DENND1A: variants seen among roughly 807,000 people sequenced by gnomAD.
DENND1A encodes the protein DENN domain containing 1A.
DENND1A carries 51 observed loss-of-function variants against 113.7 expected under a neutral mutation model. The ratio of observed to expected loss-of-function variants is 0.45; its 90% CI spans 0.36 to 0.57. DENND1A has a LOEUF of 0.57. DENND1A is among the 20% of genes least tolerant of loss of function. DENND1A has a pLI of 0.00. For missense variants in DENND1A, 1,258 were observed against 1,395.9 expected (o/e 0.90, Z 1.57); for synonymous variants, 565 against 570.8 (o/e 0.99, Z 0.14).
chr9:123,803,471 C>G (rs536323874), intron 2 of DENND1A, among the ~76,000 whole-genome samples: 6 of 152,234 alleles, frequency 3.9e-5, no homozygotes, highest in African/African-American at 1.4e-4. Context: ...TGGCCACTTC[C>G]CTGAGAAAAC....
chr9:123,806,817 T>C (rs995239574), intron 2 of DENND1A, among the ~76,000 whole-genome samples: 1 of 152,180 alleles, frequency 6.6e-6, no homozygotes, highest in African/African-American at 2.4e-5. Context: ...AAAGAAGGAA[T>C]GAAGGAATAA....
At chr9:123,573,030 T>C (rs72757119) in intron 12 of DENND1A, among the ~76,000 whole-genome samples, 1 of 152,152 alleles carries the variant, frequency 6.6e-6, no homozygotes, top group South Asian at 2.1e-4. Context: ...CCAGCACGTT[T>C]GTTGGAATAA....
chr9:123,531,455 G>T (rs914315703), intron 13 of DENND1A, among the ~76,000 whole-genome samples: 1 of 151,382 alleles, frequency 6.6e-6, no homozygotes, highest in Non-Finnish European at 1.5e-5. Flanking sequence ...AAAGTTGCAA[G>T]AATAATAGAA....
intron 2 of DENND1A, among the ~76,000 whole-genome samples, chr9:123,873,689 T>C (rs989108233): frequency 7.2e-5 from 11 of 152,134 alleles, no homozygotes; most frequent in Admixed American, 1.3e-4. Flanking sequence ...AATCATCCAA[T>C]AGAAAACTAA....
At chr9:123,872,039 T>C (rs1343843696) in intron 2 of DENND1A, among the ~76,000 whole-genome samples, 2 of 152,218 alleles carry the variant, frequency 1.3e-5, no homozygotes, top group Admixed American at 6.5e-5. Flanking sequence ...CCGAGACCTT[T>C]GGTCGCACAG....
At chr9:123,480,440 C>T (rs908641211) in intron 13 of DENND1A, among the ~76,000 whole-genome samples, 1 of 152,340 alleles carries the variant, frequency 6.6e-6, no homozygotes, top group Middle Eastern at 3.4e-3. Context: ...TTGCTACAGG[C>T]CTGGAGCTTC....
intron 19 of DENND1A, among the ~76,000 whole-genome samples, chr9:123,425,061 G>A (rs911552331): frequency 2.6e-5 from 4 of 152,182 alleles, no homozygotes; most frequent in African/African-American, 7.2e-5. Context: ...ACCATGGGGC[G>A]GGGACTCCCT....
At chr9:123,675,386 G>A (rs773364119) in intron 6 of DENND1A, among the ~76,000 whole-genome samples, 5 of 152,102 alleles carry the variant, frequency 3.3e-5, no homozygotes, top group African/African-American at 4.8e-5. Flanking sequence ...GCAAGACTTC[G>A]TAGAGCTTAC....
chr9:123,790,974 T>C (rs1832910935), intron 3 of DENND1A, among the ~76,000 whole-genome samples: 3 of 152,200 alleles, frequency 2.0e-5, no homozygotes, highest in Non-Finnish European at 2.9e-5. Context: ...GCTTTATCTA[T>C]AGTTTCTACA....
At chr9:123,714,720 T>C (rs1177813301) in intron 5 of DENND1A, among the ~76,000 whole-genome samples, 1 of 152,158 alleles carries the variant, frequency 6.6e-6, no homozygotes, top group East Asian at 1.9e-4. Context: ...TGCCTTTAAA[T>C]GATCATAACT....
chr9:123,458,037 G>C (rs1161237311), intron 13 of DENND1A, 140 bp from the exon 14 acceptor site: 2 of 614,688 alleles, frequency 3.3e-6, no homozygotes, highest in Non-Finnish European at 2.7e-6. Context: ...GTCTCACTCT[G>C]TCACCCAGGC....
intron 13 of DENND1A, among the ~76,000 whole-genome samples, chr9:123,503,044 CT>C (rs1041389028): frequency 7.2e-4 from 109 of 152,300 alleles, no homozygotes; most frequent in African/African-American, 2.4e-3. Flanking sequence ...TACCACTCAC[CT>C]CTTAGGCTTT....
At chr9:123,436,178 C>T (rs2046502935) in intron 19 of DENND1A, among the ~76,000 whole-genome samples, 1 of 152,208 alleles carries the variant, frequency 6.6e-6, no homozygotes, top group Non-Finnish European at 1.5e-5. Flanking sequence ...CCCTCTTGTT[C>T]AACCCCTCCC....
At chr9:123,419,555 T>C (rs2045056946) in intron 19 of DENND1A, among the ~76,000 whole-genome samples, 1 of 152,240 alleles carries the variant, frequency 6.6e-6, no homozygotes, top group Admixed American at 6.5e-5. Context: ...GCCACATCAA[T>C]GCTCTGACCT....
At chr9:123,835,942 C>A (rs1433127008) in intron 2 of DENND1A, among the ~76,000 whole-genome samples, 1 of 152,102 alleles carries the variant, frequency 6.6e-6, no homozygotes, top group Admixed American at 6.6e-5. Flanking sequence ...TTCTCAACCT[C>A]CCTCAATAAA....
chr9:123,761,923 A>G (rs1430502695), intron 4 of DENND1A, among the ~76,000 whole-genome samples: 1 of 152,172 alleles, frequency 6.6e-6, no homozygotes, highest in Admixed American at 6.5e-5. Context: ...CTCAGCATCC[A>G]TAATTTCCAA....
At chr9:123,489,496 C>T in intron 13 of DENND1A, among the ~76,000 whole-genome samples, 1 of 152,260 alleles carries the variant, frequency 6.6e-6, no homozygotes, top group Non-Finnish European at 1.5e-5. Context: ...TCTCTATTAA[C>T]TCTGCCTCAG....
chr9:123,900,994 C>T (rs1056121820), intron 1 of DENND1A, among the ~76,000 whole-genome samples: 3 of 152,152 alleles, frequency 2.0e-5, no homozygotes, highest in Non-Finnish European at 4.4e-5. Flanking sequence ...CAAAAGAGTT[C>T]AATAAATTTT....
At chr9:123,895,336 T>C (rs1361893779) in intron 1 of DENND1A, among the ~76,000 whole-genome samples, 1 of 152,044 alleles carries the variant, frequency 6.6e-6, no homozygotes, top group Non-Finnish European at 1.5e-5. Context: ...ATAACAAAGA[T>C]TCGGTCGGGT....
Sources: allele counts gnomAD v4.1 joint callset (sites outside exome capture counted in the v4.1 genomes callset), GRCh38; gene constraint gnomAD v4.1.1; transcripts MANE v1.5; gene names NCBI Gene and HGNC (gene_info 2026-07-23, HGNC 2026-07-21).